The following EHBP1 variants were observed in gnomAD, a reference collection of about 807,000 sequenced individuals.
EHBP1 encodes the protein EH domain-binding protein 1.
Under a neutral mutation model 144.0 loss-of-function variants are expected in EHBP1, and 55 were observed. The observed-to-expected ratio is 0.38, with a 90% confidence interval of 0.31 to 0.48. The LOEUF (loss-of-function observed/expected upper bound fraction) is 0.48. Ranked by LOEUF, EHBP1 falls within the 20% of genes least tolerant of loss-of-function variation. EHBP1 has a pLI of 0.98. For missense variants in EHBP1, 1,200 were observed against 1,364.2 expected (o/e 0.88, Z 1.90); for synonymous variants, 469 against 472.7 (o/e 0.99, Z 0.10).
intron 7 of EHBP1, among the ~76,000 whole-genome samples, chr2:62,851,325 A>G (rs941041499): frequency 6.6e-6 from 1 of 151,796 alleles, no homozygotes; most frequent in African/African-American, 2.4e-5. Flanking sequence ...GGCATCTTAA[A>G]CTCCAATTTG....
chr2:62,747,849 A>G (rs981541989), intron 3 of EHBP1, among the ~76,000 whole-genome samples: 11 of 152,028 alleles, frequency 7.2e-5, no homozygotes, highest in Admixed American at 7.2e-4. Flanking sequence ...TTGTGAATTC[A>G]ATTAGGCATC....
chr2:63,003,118 T>C (rs1164292131), intron 19 of EHBP1, among the ~76,000 whole-genome samples: 1 of 152,056 alleles, frequency 6.6e-6, no homozygotes, highest in African/African-American at 2.4e-5. Context: ...ATTCTGTTAG[T>C]GAATAGTCAC....
chr2:62,700,637 A>G (rs370340400), intron 1 of EHBP1, among the ~76,000 whole-genome samples: 2 of 152,212 alleles, frequency 1.3e-5, no homozygotes, highest in African/African-American at 2.4e-5. Context: ...TTGGGCATCC[A>G]GAACCTCCAC....
At chr2:62,982,823 C>A (rs1013733472) in intron 15 of EHBP1, among the ~76,000 whole-genome samples, 1 of 152,206 alleles carries the variant, frequency 6.6e-6, no homozygotes, top group African/African-American at 2.4e-5. Flanking sequence ...CAAGCAGCAA[C>A]CAGCCTCGGT....
At chr2:62,921,852 T>C (rs1389433913) in intron 10 of EHBP1, among the ~76,000 whole-genome samples, 1 of 152,170 alleles carries the variant, frequency 6.6e-6, no homozygotes, top group Non-Finnish European at 1.5e-5. Context: ...TACTTTATTC[T>C]TACAGTTAAA....
At chr2:62,835,995 T>C (rs1383023693) in intron 7 of EHBP1, among the ~76,000 whole-genome samples, 26 of 151,558 alleles carry the variant, frequency 1.7e-4, no homozygotes, top group Non-Finnish European at 2.7e-4. Flanking sequence ...CCACCACAGC[T>C]CAAGGAGGCC....
intron 5 of EHBP1, among the ~76,000 whole-genome samples, chr2:62,809,143 T>G (rs2044743701): frequency 6.6e-6 from 1 of 151,682 alleles, no homozygotes; most frequent in African/African-American, 2.4e-5. Context: ...ATACAAAAAT[T>G]AACCAGGCAT....
At chr2:63,000,779 AT>A (rs1178675240) in intron 19 of EHBP1, among the ~76,000 whole-genome samples, 1 of 152,134 alleles carries the variant, frequency 6.6e-6, no homozygotes, top group African/African-American at 2.4e-5. Flanking sequence ...TAAAATCCCT[AT>A]GCAAATACAA....
At chr2:62,806,392 G>T (rs533340957) in intron 5 of EHBP1, among the ~76,000 whole-genome samples, 1 of 150,574 alleles carries the variant, frequency 6.6e-6, no homozygotes, top group Non-Finnish European at 1.5e-5. Context: ...TTTTTTTGAG[G>T]CGGAGTCTTG....
intron 4 of EHBP1, among the ~76,000 whole-genome samples, chr2:62,766,958 TAAAAAA>T (rs774238457): frequency 9.4e-6 from 1 of 105,836 alleles, no homozygotes; most frequent in African/African-American, 3.6e-5. Context: ...TGTGCTTCAT[TAAAAAA>T]AAAAAAAAAA....
intron 5 of EHBP1, among the ~76,000 whole-genome samples, chr2:62,788,674 A>G (rs1425362501): frequency 2.0e-5 from 3 of 152,084 alleles, no homozygotes; most frequent in Non-Finnish European, 4.4e-5. Context: ...CTAAGAAATT[A>G]TTTTACTTAA....
intron 7 of EHBP1, among the ~76,000 whole-genome samples, chr2:62,845,602 G>A (rs986536154): frequency 1.3e-5 from 2 of 151,626 alleles, no homozygotes; most frequent in Non-Finnish European, 2.9e-5. Context: ...TCAGAGAGTA[G>A]GACCATTAAT....
At chr2:62,785,366 C>T (rs1295982709) in intron 5 of EHBP1, among the ~76,000 whole-genome samples, 1 of 152,068 alleles carries the variant, frequency 6.6e-6, no homozygotes, top group Non-Finnish European at 1.5e-5. Context: ...ATGTCATGGG[C>T]GTGAACTGGG....
At chr2:62,745,304 T>G (rs1260652015) in intron 2 of EHBP1, among the ~76,000 whole-genome samples, 2 of 151,698 alleles carry the variant, frequency 1.3e-5, no homozygotes, top group African/African-American at 4.8e-5. Flanking sequence ...GCAAGGTGTA[T>G]AGAGTATTAA....
intron 10 of EHBP1, among the ~76,000 whole-genome samples, chr2:62,935,183 G>T (rs898186223): frequency 2.6e-5 from 4 of 151,742 alleles, no homozygotes; most frequent in African/African-American, 7.3e-5. Context: ...CAAAAAATTA[G>T]CTGCGTGTGG....
At chr2:62,684,103 A>T (rs2033634658) in intron 1 of EHBP1, among the ~76,000 whole-genome samples, 1 of 152,226 alleles carries the variant, frequency 6.6e-6, no homozygotes, top group South Asian at 2.1e-4. Flanking sequence ...AACAAAGGAC[A>T]ACTCTGTGAG....
rs143194239 is a variant in EHBP1 at position 62,912,709 on chromosome 2, G to A, written c.1186-30009G>A. ...AATTTCATTTTAAATTTGAAGCACC[G>A]GTATGGTCTGAGTTTATTATTCATC... On this transcript the variant is annotated intron_variant, in intron 10 of 22. Coordinates refer to ENST00000431489, the MANE Select transcript of EHBP1 (RefSeq NM_001142616.3). Among the ~76,000 whole-genome samples, 389 of 152,108 alleles carry A rather than the reference G, an allele frequency of 2.6e-3. 3 individuals carry two copies. Among genetic ancestry groups the A allele is most frequent in the African/African-American group, 8.8e-3 (365 of 41,492 alleles).
At chr2:62,703,366 C>A (rs550561991), upstream of EHBP1, among the ~76,000 whole-genome samples, 1 of 151,978 alleles carries the variant, frequency 6.6e-6, no homozygotes, top group Non-Finnish European at 1.5e-5. Context: ...GATTAATACT[C>A]GGTATTCAAT....
intron 10 of EHBP1, among the ~76,000 whole-genome samples, chr2:62,935,765 C>G (rs2056343219): frequency 6.6e-6 from 1 of 152,080 alleles, no homozygotes. Flanking sequence ...AAATATTTCA[C>G]CCTTGCAATA....
Sources: gnomAD v4.1 joint callset for allele counts (sites outside exome capture counted in the v4.1 genomes callset) on GRCh38, gnomAD v4.1.1 for gene constraint, MANE v1.5 for transcripts, NCBI Gene and HGNC (gene_info 2026-07-23, HGNC 2026-07-21) for gene names.